ZWINT: variants seen among roughly 807,000 people sequenced by gnomAD.
The protein encoded by ZWINT is outer kinetochore KNL1 complex subunit ZWINT.
In ZWINT, 41 loss-of-function variants were observed where a neutral mutation model predicts 41.5. That is an observed-to-expected ratio of 0.99 (90% CI 0.77 to 1.28). The LOEUF (loss-of-function observed/expected upper bound fraction) is 1.28. Ranked by LOEUF, ZWINT falls within the 50% of genes most tolerant of loss-of-function variation. The probability of loss-of-function intolerance (pLI) is 0.00; values close to 1 mark genes in which losing one functional copy is unlikely to be tolerated. For missense variants in ZWINT, 369 were observed against 329.7 expected, an observed-to-expected ratio of 1.12 and a Z score of -0.92; for synonymous variants, 132 against 126.8, an observed-to-expected ratio of 1.04 and a Z score of -0.28.
Position 56,358,366 on chromosome 10 carries a change from T to G in ZWINT, c.*41+11A>C. On this transcript the variant is annotated intron_variant, in intron 8 of 8. Transcript: ENST00000373944. ...CAGTCCAGGGACACCAAGGCCTGAG[T>G]TGGGTCTGACCTTTTCTAGGATCTT... is the stretch of plus-strand genomic sequence containing the variant. 1.9e-6 allele frequency: 3 copies of G among 1,607,390 alleles called. No individual in the cohort carries two copies. Among genetic ancestry groups the G allele is most frequent in the Non-Finnish European group, 2.6e-6 (3 of 1,174,024 alleles).
rs1280670673 is a variant in ZWINT, at chr10:56,358,597, T to C, written c.751A>G (p.Thr251Ala). ...QQPTRPQEQS[T>A]GDTMGRDPGV... ...GGGTCTCTCCCCATGGTGTCTCCTG[T>C]ACTCTGCTCCTGGGGTCGAGTCGGC... The change falls in exon 7 of 9, where the codon ACA becomes GCA. Residue 251 changes from threonine (T) to alanine (A), a missense_variant. By Grantham distance (58) the Thr-to-Ala change is moderately conservative (BLOSUM62 0). Coordinates refer to ENST00000373944, the MANE Select transcript of ZWINT (RefSeq NM_007057.4). The C allele has an allele frequency of 6.2e-7, 1 of 1,614,158 alleles. No individual in the cohort carries two copies. The highest frequency in any genetic ancestry group is 1.7e-5 in the Admixed American group (1 of 60,022).
chr10:56,359,916 A>G (rs1838281710), intron 3 of ZWINT, 63 bp from the exon 4 acceptor site: 2 of 1,606,512 alleles, frequency 1.2e-6, no homozygotes, highest in Admixed American at 3.3e-5. Flanking sequence ...GCCTCCCTGC[A>G]ACACTGGGCC....
chr10:56,358,753 A>G (rs1838238412), intron 6 of ZWINT, 29 bp from the exon 7 acceptor site: 1 of 1,613,880 alleles, frequency 6.2e-7, no homozygotes, highest in South Asian at 1.1e-5. Flanking sequence ...TGTGAAGGAA[A>G]GGAATCTCAG....
Position 56,358,849 on chromosome 10 carries a change from T to G in ZWINT, c.579A>C (p.Gly193=). 1.9e-6 allele frequency: 3 copies of G among 1,614,108 alleles called. No homozygotes were observed. The highest frequency in any genetic ancestry group is 2.5e-6 in the Non-Finnish European group (3 of 1,180,010). ...CCTGTTCTGCCTGCTGCTTCAGGTT[T>G]CCAAGTTTCTGAAACACCCTGTCAA... The part of the protein sequence containing the change: ...QELDRVFQKL[G]NLKQQAEQER... The change falls in exon 6 of 9, where the codon GGA becomes GGC. Residue 193 remains glycine, a synonymous_variant. Transcript: ENST00000373944.
chr10:56,359,658 C>T (rs757464937), intron 4 of ZWINT, 29 bp downstream of exon 4: 2 of 1,613,710 alleles, frequency 1.2e-6, no homozygotes, highest in Admixed American at 1.7e-5. Context: ...CTGCCCTTCC[C>T]TCCCTGTACT....
In ZWINT at chr10:56,358,587, G is replaced by C; in HGVS notation, c.761C>G (p.Thr254Ser). ...TRPQEQSTGD[T>S]MGRDPGVSFK... is the part of the protein sequence containing the mutation. The stretch of plus-strand genomic sequence containing the variant: ...GGACACACCAGGGTCTCTCCCCATG[G>C]TGTCTCCTGTACTCTGCTCCTGGGG... Residue 254 changes from threonine to serine, a missense_variant, in exon 7 of 9, where the codon ACC (threonine) becomes AGC (serine). Thr to Ser is a moderately conservative substitution (Grantham distance 58). Transcript: ENST00000373944. 1 of 1,614,056 alleles carries C rather than the reference G, an allele frequency of 6.2e-7. No individual in the cohort carries two copies. The highest frequency in any genetic ancestry group is 8.5e-7 in the Non-Finnish European group (1 of 1,180,014).
chr10:56,358,445 T>G lies in ZWINT; in HGVS notation c.807A>C (p.Gln269His). The G allele has an allele frequency of 1.9e-6, 3 of 1,614,060 alleles. 1 individual carries two copies. The South Asian group carries it at 3.3e-5, about 18-fold the overall frequency. The stretch of plus-strand genomic sequence containing the variant: ...ATGGCAAATTTACATCTCCAGCAGG[T>G]TGTAGACCAACAGCCTTGGAGAAAT... ...PGVSFKAVGL[Q>H]PAGDVNLP is the part of the protein sequence containing the mutation. Residue 269 changes from glutamine (Q) to histidine (H), a missense_variant, in exon 8 of 9, where the codon CAA becomes CAC. Transcript: ENST00000373944.
chr10:56,359,599 G>T, intron 4 of ZWINT, 67 bp from the exon 5 acceptor site: 1 of 1,581,042 alleles, frequency 6.3e-7, no homozygotes, highest in South Asian at 1.2e-5. Context: ...TTGGGAGATT[G>T]CAAGCTGGCA....
rs1313956007 is a variant in ZWINT at position 56,359,806 on chromosome 10, T to C, written c.304A>G (p.Thr102Ala). ...ATGGCCTCTACGTGCTCCCTGTAGG[T>C]GGCCTTCAGCTCTTTCCATTGTTCC... ...AKEQWKELKATYREHVEAIKI... is the reference protein window; with the variant it reads ...AKEQWKELKAAYREHVEAIKI... Residue 102 changes from threonine to alanine, a missense_variant, in exon 4 of 9, where the codon ACC (threonine) becomes GCC (alanine). Coordinates refer to ENST00000373944, the MANE Select transcript of ZWINT (RefSeq NM_007057.4). The C allele has an allele frequency of 6.2e-7, 1 of 1,614,112 alleles. No individual in the cohort carries two copies. The highest frequency in any genetic ancestry group is 1.1e-5 in the South Asian group (1 of 91,078).
chr10:56,361,047 A>G (rs559616690), intron 1 of ZWINT, 149 bp downstream of exon 1: 2 of 820,158 alleles, frequency 2.4e-6, no homozygotes, highest in Admixed American at 5.4e-5. Flanking sequence ...CACCTCAGGA[A>G]CCTAAGACGG....
In ZWINT at chr10:56,359,713, C is replaced by G; in HGVS notation, c.397G>C (p.Glu133Gln). The G allele has an allele frequency of 6.8e-6, 11 of 1,614,158 alleles. No individual in the cohort carries two copies. The highest frequency in any genetic ancestry group is 9.3e-6 in the Non-Finnish European group (11 of 1,180,014). ...TTGGCCTGGAGCTGCTCAAAGGCTT[C>G]CCGGAGTTGTGTCCGTTTCCTCTGG... ...EAQRKRTQLR[E>Q]AFEQLQAKKQ... The change falls in exon 4 of 9, where the codon GAA becomes CAA. Residue 133 changes from glutamate to glutamine, a missense_variant. Coordinates refer to ENST00000373944, the MANE Select transcript of ZWINT (RefSeq NM_007057.4).
In ZWINT at chr10:56,360,363, C is replaced by T. The variant is rs762529518; in HGVS notation, c.62G>A (p.Gly21Asp). Residue 21 changes from glycine to aspartate, a missense_variant, in exon 2 of 9, where the codon GGC becomes GAC. Transcript: ENST00000373944. The stretch of plus-strand genomic sequence containing the variant: ...CTGCAGGCCTACAGGTTCCAAGATG[C>T]CTGCCACCTCAGCCAGGACCCTGGA... ...AALEVLAEVA[G>D]ILEPVGLQEE... 3.1e-6 allele frequency: 5 copies of T among 1,614,056 alleles called. No homozygotes were observed. Among genetic ancestry groups the T allele is most frequent in the Non-Finnish European group, 4.2e-6 (5 of 1,180,030 alleles).
intron 5 of ZWINT, 138 bp downstream of exon 5, chr10:56,359,338 A>G (rs1042377658): frequency 2.6e-6 from 2 of 771,334 alleles, no homozygotes; most frequent in Non-Finnish European, 4.1e-6. Context: ...AAGTGGTGAC[A>G]CTGAGATTCA....
At chr10:56,359,372 T>C (rs1838260281) in intron 5 of ZWINT, 104 bp downstream of exon 5, 3 of 1,054,354 alleles carry the variant, frequency 2.8e-6, no homozygotes, top group South Asian at 1.9e-5. Context: ...ATTTATATTA[T>C]AGTGCCTCAA....
In ZWINT at chr10:56,358,364, A is replaced by G. The variant is rs778663845; in HGVS notation, c.*41+13T>C. The G allele has an allele frequency of 1.9e-6, 3 of 1,608,656 alleles. No individual in the cohort carries two copies. Among genetic ancestry groups the G allele is most frequent in the Non-Finnish European group, 2.6e-6 (3 of 1,175,102 alleles). On this transcript the variant is annotated intron_variant, in intron 8 of 8. Transcript: ENST00000373944. The stretch of plus-strand genomic sequence containing the variant: ...TGCAGTCCAGGGACACCAAGGCCTG[A>G]GTTGGGTCTGACCTTTTCTAGGATC...
rs1190754981 is a variant in ZWINT at position 56,357,759 on chromosome 10, GCTCA to G, written c.*464_*467del. On this transcript the variant is annotated 3_prime_UTR_variant, in exon 9 of 9. Coordinates refer to ENST00000373944, the MANE Select transcript of ZWINT (RefSeq NM_007057.4). ...TGTACATCCTAAAACAGTCAGATGA[GCTCA>G]CTGTTATAATTCTGGTTCACCGCAA... The G allele has an allele frequency of 1.6e-5, 5 of 308,362 alleles. No individual in the cohort carries two copies. Among genetic ancestry groups the G allele is most frequent in the African/African-American group, 6.6e-5 (3 of 45,246 alleles). The allele number at this position is 308,362 out of a possible 1,614,324, so 19.1% of individuals were successfully genotyped here.
In ZWINT at chr10:56,358,652, T is replaced by TGCCTCA. The variant is rs200951666; in HGVS notation, c.690_695dup (p.Ala232_Glu233dup). 3,289 of 1,614,080 alleles carry TGCCTCA rather than the reference T, an allele frequency of 2.0e-3. 65 individuals are homozygous for TGCCTCA. In the African/African-American group the frequency reaches 0.039, roughly 19 times the overall value. ...GGGGTTTATCATCTGGAAGATTCTC[T>TGCCTCA]GCCTCAGCCTCAGCCTCAGGGAACA... On this transcript the variant is annotated inframe_insertion, in exon 7 of 9. Transcript: ENST00000373944.
At chr10:56,359,422 C>G in intron 5 of ZWINT, 54 bp downstream of exon 5, 1 of 1,481,072 alleles carries the variant, frequency 6.8e-7, no homozygotes, top group Non-Finnish European at 9.0e-7. Flanking sequence ...GGGACACAGC[C>G]GATACAATGG....
chr10:56,357,512 G>GT lies in ZWINT; in HGVS notation c.*714dup, dbSNP rs1345873553. On this transcript the variant is annotated 3_prime_UTR_variant, in exon 9 of 9. Coordinates refer to ENST00000373944, the MANE Select transcript of ZWINT (RefSeq NM_007057.4). ...TACGTGAGTTGATCATCTGATAAAA[G>GT]TAAGAGTTGACAAAAAAGGTACATC... 1 of 152,738 alleles carries GT rather than the reference G, an allele frequency of 6.5e-6. No homozygotes were observed. Among genetic ancestry groups the GT allele is most frequent in the Admixed American group, 6.5e-5 (1 of 15,376 alleles). 9.5% of individuals were successfully genotyped at this position (152,738 alleles called of 1,614,324 possible). A position where few individuals can be genotyped will look rare whatever the true frequency, so the allele number is the denominator to read the frequency against.
Sources: gnomAD v4.1 joint callset for allele counts on GRCh38, gnomAD v4.1.1 for gene constraint, MANE v1.5 for transcripts, NCBI Gene and HGNC (gene_info 2026-07-23, HGNC 2026-07-21) for gene names.